Variants in PRUNE2 observed in about 807,000 individuals in gnomAD.
The protein encoded by PRUNE2 is protein prune homolog 2.
Under a neutral mutation model 252.0 loss-of-function variants are expected in PRUNE2, and 164 were observed. The ratio of observed to expected loss-of-function variants is 0.65; its 90% CI spans 0.57 to 0.74. The LOEUF (loss-of-function observed/expected upper bound fraction) is 0.74. Among genes scored for constraint, PRUNE2 ranks in the 30% least tolerant of loss-of-function variants. The pLI, the probability that PRUNE2 is intolerant of heterozygous loss-of-function variation, is 0.00. For synonymous variants in PRUNE2, 1,292 were observed against 1,350.2 expected (o/e 0.96, Z 0.94); for missense variants, 3,495 against 3,711.0 (o/e 0.94, Z 1.51).
intron 1 of PRUNE2, among the ~76,000 whole-genome samples, chr9:76,867,823 G>A (rs1002748346): frequency 5.9e-5 from 9 of 152,054 alleles, no homozygotes; most frequent in South Asian, 2.1e-4. Context: ...CGCCCACCTC[G>A]GCCTTCCAAA....
At chr9:76,737,015 T>C (rs1236744976) in intron 6 of PRUNE2, 3 of 152,128 alleles carry the variant, frequency 2.0e-5, no homozygotes, top group Non-Finnish European at 4.4e-5. Context: ...CAGTATAAGA[T>C]GGTAAATGGA....
intron 6 of PRUNE2, among the ~76,000 whole-genome samples, chr9:76,775,731 A>G (rs1412315528): frequency 6.6e-6 from 1 of 152,228 alleles, no homozygotes; most frequent in African/African-American, 2.4e-5. Context: ...ATAGTTGTAC[A>G]TCATCCCATT....
At chr9:76,838,515 G>T (rs1386306301) in intron 4 of PRUNE2, among the ~76,000 whole-genome samples, 2 of 151,854 alleles carry the variant, frequency 1.3e-5, no homozygotes, top group African/African-American at 2.4e-5. Flanking sequence ...CATGGTGGCA[G>T]ATGCCTGTAA....
chr9:76,744,712 C>T (rs1368633996), intron 6 of PRUNE2, among the ~76,000 whole-genome samples: 9 of 152,246 alleles, frequency 5.9e-5, no homozygotes, highest in Admixed American at 1.3e-4. Context: ...TACTCTGAGC[C>T]CCTGTTTGTT....
intron 6 of PRUNE2, among the ~76,000 whole-genome samples, chr9:76,805,349 G>A (rs1277159065): frequency 1.3e-5 from 2 of 152,166 alleles, no homozygotes; most frequent in East Asian, 1.9e-4. Flanking sequence ...GGCTGCGCAC[G>A]GTGGCTCACA....
At chr9:76,645,151 A>G (rs17062827) in intron 11 of PRUNE2, 7,082 of 416,970 alleles carry the variant, frequency 0.017, 382 homozygotes, top group African/African-American at 0.13. Context: ...AACCACATCC[A>G]TTGCTAAGGC....
intron 1 of PRUNE2, among the ~76,000 whole-genome samples, chr9:76,855,322 C>T (rs1301560567): frequency 1.3e-5 from 2 of 151,964 alleles, no homozygotes; most frequent in Admixed American, 1.3e-4. Context: ...ACTTTCCCCA[C>T]TTTTCATCAC....
chr9:76,635,218 C>G (rs1034765362), intron 15 of PRUNE2, among the ~76,000 whole-genome samples: 1 of 152,092 alleles, frequency 6.6e-6, no homozygotes. Context: ...GTGATCTGCC[C>G]GCCTTGGCCT....
At chr9:76,875,786 T>C (rs2061444027) in intron 1 of PRUNE2, among the ~76,000 whole-genome samples, 1 of 152,230 alleles carries the variant, frequency 6.6e-6, no homozygotes, top group Admixed American at 6.5e-5. Flanking sequence ...AGAGGTTCTC[T>C]CAACACCCAA....
At chr9:76,892,813 A>G (rs953633847) in intron 1 of PRUNE2, among the ~76,000 whole-genome samples, 24 of 152,108 alleles carry the variant, frequency 1.6e-4, no homozygotes, top group Non-Finnish European at 2.9e-4. Context: ...GCTTTCCTCT[A>G]TTTGCCAAAT....
In PRUNE2 at chr9:76,704,919, C is replaced by T. The variant is rs1260147442; in HGVS notation, c.7355G>A (p.Gly2452Glu). 1 of 1,611,950 alleles carries T rather than the reference C, an allele frequency of 6.2e-7. No homozygotes were observed. The highest frequency in any genetic ancestry group is 2.2e-5 in the East Asian group (1 of 44,820). The change falls in exon 8 of 19, where the codon GGA becomes GAA. Residue 2452 changes from glycine to glutamate, a missense_variant. By Grantham distance (98) the Gly-to-Glu change is moderately conservative. Coordinates refer to ENST00000376718, the MANE Select transcript of PRUNE2 (RefSeq NM_015225.3). Reference sequence around the variant, plus strand: ...AATATGCAGCACAGCCAGCTGGGATCCAGGCAGTCTGTTTTTGGTCTCAGC... The same window carrying T: ...AATATGCAGCACAGCCAGCTGGGATTCAGGCAGTCTGTTTTTGGTCTCAGC... The part of the protein sequence containing the change: ...NQAETKNRLP[G>E]SQLAVLHIRE...
chr9:76,677,628 T>G (rs1384064817), intron 9 of PRUNE2, among the ~76,000 whole-genome samples: 3 of 152,246 alleles, frequency 2.0e-5, no homozygotes, highest in African/African-American at 7.2e-5. Flanking sequence ...CCCATTTTTA[T>G]TTTCTGGATT....
intron 15 of PRUNE2, among the ~76,000 whole-genome samples, chr9:76,634,912 TACA>T (rs1337000839): frequency 1.3e-5 from 2 of 152,194 alleles, no homozygotes; most frequent in African/African-American, 2.4e-5. Flanking sequence ...ACTCCCTAGT[TACA>T]ACATTTCCTG....
intron 6 of PRUNE2, among the ~76,000 whole-genome samples, chr9:76,747,191 C>T (rs771056546): frequency 3.3e-5 from 5 of 152,110 alleles, no homozygotes; most frequent in Non-Finnish European, 5.9e-5. Flanking sequence ...AATACCGCCA[C>T]GCATCTGGTG....
At chr9:76,694,032 C>T (rs1052393153) in intron 9 of PRUNE2, among the ~76,000 whole-genome samples, 4 of 152,174 alleles carry the variant, frequency 2.6e-5, no homozygotes, top group African/African-American at 9.6e-5. Flanking sequence ...TTGGGAATGT[C>T]TGCCCAGGGC....
intron 6 of PRUNE2, among the ~76,000 whole-genome samples, chr9:76,728,915 G>C (rs2135384781): frequency 6.6e-6 from 1 of 152,194 alleles, no homozygotes; most frequent in East Asian, 1.9e-4. Context: ...TACATAGATG[G>C]TAGTCAGCAG....
chr9:76,710,436 A>G lies in PRUNE2; in HGVS notation c.1838T>C (p.Met613Thr). The G allele has an allele frequency of 1.2e-6, 2 of 1,613,836 alleles. No individual in the cohort carries two copies. Among genetic ancestry groups the G allele is most frequent in the Non-Finnish European group, 1.7e-6 (2 of 1,179,838 alleles). Reference protein sequence around the residue: ...NTGKRIPPTPMNSLVESSPST... With the variant: ...NTGKRIPPTPTNSLVESSPST... ...TGGCGAGCTTTCTACTAAACTATTC[A>G]TGGGTGTTGGTGGGATCCTCTTTCC... The change falls in exon 8 of 19, where the codon ATG (methionine) becomes ACG (threonine). Residue 613 changes from methionine (M) to threonine (T), a missense_variant. By Grantham distance (81) the Met-to-Thr change is moderately conservative. Transcript: ENST00000376718.
intron 4 of PRUNE2, among the ~76,000 whole-genome samples, chr9:76,840,930 A>C (rs1202347477): frequency 6.6e-6 from 1 of 152,068 alleles, no homozygotes; most frequent in Non-Finnish European, 1.5e-5. Flanking sequence ...GCAGTGAGCC[A>C]AGATTGCGCC....
intron 1 of PRUNE2, among the ~76,000 whole-genome samples, chr9:76,855,014 C>T (rs1337081166): frequency 3.5e-5 from 5 of 141,524 alleles, no homozygotes; most frequent in African/African-American, 5.4e-5. Flanking sequence ...TGCAGTGAGC[C>T]GAGATTGCAC....
Sources: gnomAD v4.1 joint callset for allele counts (sites outside exome capture counted in the v4.1 genomes callset) on GRCh38, gnomAD v4.1.1 for gene constraint, MANE v1.5 for transcripts, NCBI Gene and HGNC (gene_info 2026-07-23, HGNC 2026-07-21) for gene names.